Variants in APOL1 observed in about 807,000 individuals in gnomAD.
APOL1 encodes the protein apolipoprotein L 1.
In APOL1, 17 loss-of-function variants were observed where a neutral mutation model predicts 14.9. That is an observed-to-expected ratio of 1.14 (90% CI 0.78 to 1.71). The LOEUF (loss-of-function observed/expected upper bound fraction) is 1.71. Among genes scored for constraint, APOL1 ranks in the 40% most tolerant of loss-of-function variants. APOL1 has a pLI of 0.00. For missense variants in APOL1, 523 were observed against 485.9 expected, an observed-to-expected ratio of 1.08 and a Z score of -0.72; for synonymous variants, 195 against 184.8, an observed-to-expected ratio of 1.05 and a Z score of -0.45.
chr22:36,261,179 C>T (rs1407057538), intron 4 of APOL1, among the ~76,000 whole-genome samples: 2 of 152,168 alleles, frequency 1.3e-5, no homozygotes, highest in African/African-American at 4.8e-5. Flanking sequence ...TCTCACAGAT[C>T]CAGAGGCAAG....
chr22:36,262,177 T>C (rs781547506), intron 5 of APOL1, among the ~76,000 whole-genome samples: 2 of 152,228 alleles, frequency 1.3e-5, no homozygotes, highest in South Asian at 4.1e-4. Context: ...GGACTTGACC[T>C]TTGGGACAAG....
rs1311929967 is a variant in APOL1, at chr22:36,267,429, GT to G, written c.*1399del. ...CAGTCAGAAAATTAGCATGAAAGCA[GT>G]TTAGCATTGGGAGGAAGCTCAGATC... On this transcript the variant is annotated 3_prime_UTR_variant, in exon 6 of 6. Coordinates refer to ENST00000397278, the MANE Select transcript of APOL1 (RefSeq NM_003661.4). 6.6e-6 allele frequency: 1 copy of G among 152,278 alleles called. No homozygotes were observed. Among genetic ancestry groups the G allele is most frequent in the Non-Finnish European group, 1.5e-5 (1 of 68,084 alleles). 9.4% of individuals were successfully genotyped at this position (152,278 alleles called of 1,614,324 possible).
At chr22:36,263,274 G>T in intron 5 of APOL1, among the ~76,000 whole-genome samples, 1 of 152,214 alleles carries the variant, frequency 6.6e-6, no homozygotes, top group Non-Finnish European at 1.5e-5. Flanking sequence ...TCAGCCAGGT[G>T]AAAGGGCATG....
At chr22:36,253,794 T>C (rs183379935) in intron 1 of APOL1, 2 of 728,132 alleles carry the variant, frequency 2.7e-6, no homozygotes, top group South Asian at 1.7e-5. Flanking sequence ...AGGTAGATCA[T>C]AGGACTCCAC....
chr22:36,263,932 G>T (rs1247397342), intron 5 of APOL1, among the ~76,000 whole-genome samples: 2 of 152,172 alleles, frequency 1.3e-5, no homozygotes, highest in Non-Finnish European at 2.9e-5. Context: ...ACCCATCAAT[G>T]GTGGGGGTGA....
In APOL1 at chr22:36,255,000, G is replaced by A; in HGVS notation, c.44+1G>A. The A allele has an allele frequency of 1.2e-6, 2 of 1,613,684 alleles. No homozygotes were observed. Among genetic ancestry groups the A allele is most frequent in the African/African-American group, 1.3e-5 (1 of 75,042 alleles). ...TGAGAGTCTCTGTCCTCTGCATCTG[G>A]TGAGCTTGGCTCAGAGCCCTGAGGC... is the stretch of plus-strand genomic sequence containing the variant. On this transcript the variant is annotated splice_donor_variant, in intron 2 of 5. Coordinates refer to ENST00000397278, the MANE Select transcript of APOL1 (RefSeq NM_003661.4). LOFTEE classifies it high-confidence loss of function.
intron 4 of APOL1, among the ~76,000 whole-genome samples, chr22:36,260,129 C>T (rs1466267342): frequency 1.3e-5 from 2 of 152,334 alleles, no homozygotes; most frequent in South Asian, 2.1e-4. Flanking sequence ...GGCACTGTGG[C>T]TCACGCCTGT....
rs993308467 is a variant in APOL1, at chr22:36,266,286, T to G, written c.*253T>G. On this transcript the variant is annotated 3_prime_UTR_variant, in exon 6 of 6. Coordinates refer to ENST00000397278, the MANE Select transcript of APOL1 (RefSeq NM_003661.4). ...TTGTATTTTTAATAGAGATGGGGTT[T>G]CACCATGTTGGCCAGGATGGTCTCG... The G allele has an allele frequency of 2.2e-6, 1 of 456,500 alleles. No homozygotes were observed. The highest frequency in any genetic ancestry group is 3.8e-6 in the Non-Finnish European group (1 of 260,128). The allele number at this position is 456,500 out of a possible 1,614,324, so 28.3% of individuals were successfully genotyped here. A position where few individuals can be genotyped will look rare whatever the true frequency, so the allele number is the denominator to read the frequency against.
chr22:36,265,117 G>A (rs370366261), intron 5 of APOL1, 34 bp from the exon 6 acceptor site: 278 of 1,609,974 alleles, frequency 1.7e-4, no homozygotes, highest in Non-Finnish European at 1.6e-4. Flanking sequence ...AGCCAAAACT[G>A]CATTTCTTAA....
chr22:36,266,880 G>T lies in APOL1; in HGVS notation c.*847G>T. The stretch of plus-strand genomic sequence containing the variant: ...AGATATCGCCACTGCACTCCAGCCT[G>T]GGTGACAGAGCGAGACTCCATCTCA... On this transcript the variant is annotated 3_prime_UTR_variant, in exon 6 of 6. Transcript: ENST00000397278. The T allele has an allele frequency of 4.2e-6, 1 of 235,358 alleles. No individual in the cohort carries two copies. The highest frequency in any genetic ancestry group is 7.6e-5 in the East Asian group (1 of 13,224). 14.6% of individuals were successfully genotyped at this position (235,358 alleles called of 1,614,324 possible).
At chr22:36,264,810 C>CTTTTTTTTTTTTTTTT (rs368899919) in intron 5 of APOL1, among the ~76,000 whole-genome samples, 1 of 120,430 alleles carries the variant, frequency 8.3e-6, no homozygotes. Context: ...AACTGCATTT[C>CTTTTTTTTTTTTTTTT]TTTTTTTTTT....
rs2016277363 is a variant in APOL1, at chr22:36,266,703, A to G, written c.*670A>G. ...GGCGGATCACGAGGTCAGGAGATCGAGACCATCCTGGCTAACACAGTGAAA... is the reference window on the plus strand; with the variant it reads ...GGCGGATCACGAGGTCAGGAGATCGGGACCATCCTGGCTAACACAGTGAAA... On this transcript the variant is annotated 3_prime_UTR_variant, in exon 6 of 6. Coordinates refer to ENST00000397278, the MANE Select transcript of APOL1 (RefSeq NM_003661.4). The G allele has an allele frequency of 2.8e-6, 1 of 353,834 alleles. No homozygotes were observed. Among genetic ancestry groups the G allele is most frequent in the African/African-American group, 2.1e-5 (1 of 47,396 alleles). 21.9% of individuals were successfully genotyped at this position (353,834 alleles called of 1,614,324 possible). A position where few individuals can be genotyped will look rare whatever the true frequency, so the allele number is the denominator to read the frequency against.
rs189436505 is a variant in APOL1, at chr22:36,266,722, A to C, written c.*689A>C. On this transcript the variant is annotated 3_prime_UTR_variant, in exon 6 of 6. Transcript: ENST00000397278. ...AGATCGAGACCATCCTGGCTAACACAGTGAAACCCCGTCTCTACTAAAAAT... is the reference window on the plus strand; with the variant it reads ...AGATCGAGACCATCCTGGCTAACACCGTGAAACCCCGTCTCTACTAAAAAT... 4.1e-5 allele frequency: 14 copies of C among 341,920 alleles called. No homozygotes were observed. The Admixed American group carries it at 6.2e-4, about 15-fold the overall frequency. The allele number at this position is 341,920 out of a possible 1,614,324, so 21.2% of individuals were successfully genotyped here. A position where few individuals can be genotyped will look rare whatever the true frequency, so the allele number is the denominator to read the frequency against.
chr22:36,266,917 A>AG lies in APOL1; in HGVS notation c.*884_*885insG, dbSNP rs1472140769. Reference sequence around the variant, plus strand: ...GAGACTCCATCTCAAAAAAAAAAAAAAAAAGAATATATTGACGGAAGAATA... The same window carrying AG: ...GAGACTCCATCTCAAAAAAAAAAAAAGAAAAGAATATATTGACGGAAGAATA... On this transcript the variant is annotated 3_prime_UTR_variant, in exon 6 of 6. Coordinates refer to ENST00000397278, the MANE Select transcript of APOL1 (RefSeq NM_003661.4). The AG allele has an allele frequency of 5.6e-6, 1 of 179,628 alleles. No individual in the cohort carries two copies. The highest frequency in any genetic ancestry group is 1.3e-4 in the East Asian group (1 of 7,632). 11.1% of individuals were successfully genotyped at this position (179,628 alleles called of 1,614,324 possible).
chr22:36,254,790 G>A, intron 1 of APOL1, 147 bp from the exon 2 acceptor site: 1 of 982,554 alleles, frequency 1.0e-6, no homozygotes, highest in East Asian at 2.9e-5. Context: ...GTGAACCCGG[G>A]AGGCAGAGCT....
chr22:36,253,846 G>A (rs1371333481), intron 1 of APOL1: 10 of 1,280,360 alleles, frequency 7.8e-6, no homozygotes, highest in African/African-American at 1.5e-5. Context: ...AGACTTCTGG[G>A]GTGATGGAGA....
intron 4 of APOL1, among the ~76,000 whole-genome samples, chr22:36,258,909 A>G (rs958065682): frequency 4.6e-5 from 7 of 152,050 alleles, no homozygotes; most frequent in African/African-American, 1.7e-4. Flanking sequence ...GCCGAGTTGG[A>G]TCTCACTGGT....
At position 36,253,915 on chromosome 22, in the gene APOL1, G is replaced by A. The variant is rs769826016; in HGVS notation, c.-20+696G>A. ...CGTGGCTGAGACAGGGGAGTGAGAA[G>A]GGTGCGTTGCAGAATGGTGCCTGTG... On this transcript the variant is annotated intron_variant, in intron 1 of 5. Transcript: ENST00000397278. 1.2e-5 allele frequency: 20 copies of A among 1,613,436 alleles called. No homozygotes were observed. The South Asian group carries it at 1.5e-4, about 12-fold the overall frequency.
chr22:36,266,105 T>C lies in APOL1; in HGVS notation c.*72T>C. On this transcript the variant is annotated 3_prime_UTR_variant, in exon 6 of 6. Coordinates refer to ENST00000397278, the MANE Select transcript of APOL1 (RefSeq NM_003661.4). ...AGGACAAAATGCAAACTTTTTTTTT[T>C]TTCTGAGACAGAGTCTTGCTCTGTC... 1 of 1,495,352 alleles carries C rather than the reference T, an allele frequency of 6.7e-7. No individual in the cohort carries two copies. The highest frequency in any genetic ancestry group is 8.9e-7 in the Non-Finnish European group (1 of 1,117,460). 92.6% of individuals were successfully genotyped at this position (1,495,352 alleles called of 1,614,324 possible). A position where few individuals can be genotyped will look rare whatever the true frequency, so the allele number is the denominator to read the frequency against.
Sources: allele counts gnomAD v4.1 joint callset (sites outside exome capture counted in the v4.1 genomes callset), GRCh38; gene constraint gnomAD v4.1.1; transcripts MANE v1.5; gene names NCBI Gene and HGNC (gene_info 2026-07-23, HGNC 2026-07-21).